NUP210L: variants seen among roughly 807,000 people sequenced by gnomAD.
The protein encoded by NUP210L is nuclear pore membrane glycoprotein 210-like.
NUP210L carries 74 observed loss-of-function variants against 208.5 expected under a neutral mutation model. The ratio of observed to expected loss-of-function variants is 0.35; its 90% CI spans 0.29 to 0.43. NUP210L has a LOEUF of 0.43. Among genes scored for constraint, NUP210L ranks in the 20% least tolerant of loss-of-function variants. NUP210L has a pLI of 1.00. For missense variants in NUP210L, 1,843 were observed against 2,289.4 expected, an observed-to-expected ratio of 0.81 and a Z score of 3.98; for synonymous variants, 780 against 816.9, an observed-to-expected ratio of 0.95 and a Z score of 0.77.
intron 2 of NUP210L, among the ~76,000 whole-genome samples, chr1:154,151,169 C>T (rs1197308062): frequency 6.6e-6 from 1 of 151,692 alleles, no homozygotes; most frequent in Non-Finnish European, 1.5e-5. Context: ...GCATATGTGA[C>T]CAAATCAATG....
chr1:154,134,347 A>C (rs1243550216), intron 7 of NUP210L, among the ~76,000 whole-genome samples: 1 of 151,766 alleles, frequency 6.6e-6, no homozygotes, highest in Non-Finnish European at 1.5e-5. Flanking sequence ...TGGAGTCCAA[A>C]TCATATTTCA....
intron 35 of NUP210L, among the ~76,000 whole-genome samples, chr1:154,009,562 G>T (rs1650778507): frequency 6.8e-6 from 1 of 147,946 alleles, no homozygotes; most frequent in South Asian, 2.1e-4. Flanking sequence ...TGAGGCAGGA[G>T]GATTGCTTGA....
At chr1:154,000,876 A>G in exon 37 of NUP210L, 4 of 1,614,072 alleles carry the variant, frequency 2.5e-6, no homozygotes, top group African/African-American at 1.3e-5. Flanking sequence ...CTTATCTTTC[A>G]TAGCCCTCAC....
chr1:154,052,842 A>G (rs934466387), intron 25 of NUP210L, among the ~76,000 whole-genome samples: 6 of 152,240 alleles, frequency 3.9e-5, no homozygotes, highest in Admixed American at 3.3e-4. Flanking sequence ...TTGGTCCCCA[A>G]AGGGGATGTT....
intron 12 of NUP210L, among the ~76,000 whole-genome samples, chr1:154,109,312 G>C (rs916911834): frequency 4.6e-5 from 7 of 151,526 alleles, no homozygotes; most frequent in Non-Finnish European, 1.0e-4. Context: ...ATTATGTAAT[G>C]ATAAAGGGGT....
intron 12 of NUP210L, among the ~76,000 whole-genome samples, chr1:154,105,743 T>C (rs879724602): frequency 6.6e-5 from 10 of 152,168 alleles, no homozygotes; most frequent in Admixed American, 6.6e-4. Context: ...GGGTCCCCAA[T>C]TTCAGGCCTT....
intron 33 of NUP210L, among the ~76,000 whole-genome samples, chr1:154,015,910 A>C (rs533344037): frequency 2.8e-5 from 2 of 70,270 alleles, no homozygotes; most frequent in Middle Eastern, 5.4e-3. Context: ...CTGTCTCAAT[A>C]AATAAATAAA....
intron 36 of NUP210L, 108 bp from the exon 37 acceptor site, chr1:154,001,168 T>TCTAG: frequency 2.3e-6 from 2 of 885,792 alleles, no homozygotes; most frequent in Non-Finnish European, 3.5e-6. Context: ...GATCTGGATT[T>TCTAG]CTAGCTAGCT....
intron 17 of NUP210L, among the ~76,000 whole-genome samples, chr1:154,068,412 T>G (rs183177989): frequency 1.3e-5 from 2 of 152,266 alleles, no homozygotes; most frequent in Non-Finnish European, 2.9e-5. Context: ...TGGGGTGCAG[T>G]GGCTCATGCC....
At chr1:154,041,072 C>T (rs1652847911) in intron 27 of NUP210L, among the ~76,000 whole-genome samples, 1 of 152,100 alleles carries the variant, frequency 6.6e-6, no homozygotes, top group African/African-American at 2.4e-5. Context: ...TCAAGTGATC[C>T]TCCTGCCTCA....
chr1:154,129,785 A>G (rs570348213), intron 7 of NUP210L, among the ~76,000 whole-genome samples: 1 of 152,312 alleles, frequency 6.6e-6, no homozygotes, highest in Non-Finnish European at 1.5e-5. Flanking sequence ...ACATGCCTAG[A>G]ACTCCACAGA....
intron 16 of NUP210L, among the ~76,000 whole-genome samples, chr1:154,076,923 A>G (rs1655066697): frequency 6.6e-6 from 1 of 152,210 alleles, no homozygotes; most frequent in South Asian, 2.1e-4. Context: ...ATCTACATCT[A>G]GACACATCAT....
At chr1:154,150,992 A>G (rs1263097935) in intron 2 of NUP210L, among the ~76,000 whole-genome samples, 1 of 152,136 alleles carries the variant, frequency 6.6e-6, no homozygotes, top group Non-Finnish European at 1.5e-5. Flanking sequence ...TTGTATTAAT[A>G]GTAAAATTGG....
At chr1:154,125,554 C>G (rs1358946523) in intron 10 of NUP210L, among the ~76,000 whole-genome samples, 1 of 147,360 alleles carries the variant, frequency 6.8e-6, no homozygotes. Flanking sequence ...CCTGGGAGGT[C>G]CAGGCTGCAG....
At chr1:154,037,615 C>CTTAT (rs1159987321) in intron 27 of NUP210L, among the ~76,000 whole-genome samples, 1 of 151,962 alleles carries the variant, frequency 6.6e-6, no homozygotes, top group Non-Finnish European at 1.5e-5. Context: ...ATTGTTGGAT[C>CTTAT]TTATTTATTT....
rs974630484 is a variant in NUP210L at position 154,019,217 on chromosome 1, A to C, written c.4517-148T>G. On this transcript the variant is annotated intron_variant, in intron 32 of 39. Transcript: ENST00000368559. Reference sequence around the variant, plus strand: ...CAGCTTTGAAGATAACTGTTTTCTCAGTGTCAGGTTCCTCTTCGTATATCA... The same window carrying C: ...CAGCTTTGAAGATAACTGTTTTCTCCGTGTCAGGTTCCTCTTCGTATATCA... The C allele has an allele frequency of 8.0e-5, 56 of 704,222 alleles. No individual in the cohort carries two copies. The East Asian group carries it at 1.5e-3, about 19-fold the overall frequency. 43.6% of individuals were successfully genotyped at this position (704,222 alleles called of 1,614,324 possible).
intron 2 of NUP210L, among the ~76,000 whole-genome samples, chr1:154,146,784 C>T (rs963142929): frequency 6.6e-6 from 1 of 152,104 alleles, no homozygotes; most frequent in African/African-American, 2.4e-5. Flanking sequence ...CTTTGGCACT[C>T]CTCCTTCCAA....
chr1:154,058,117 G>C, exon 22 of NUP210L: 1 of 1,614,104 alleles, frequency 6.2e-7, no homozygotes, highest in Non-Finnish European at 8.5e-7. Context: ...GAAGCCAACT[G>C]CAGTTTGAGT....
intron 8 of NUP210L, among the ~76,000 whole-genome samples, chr1:154,128,826 G>A (rs1658112117): frequency 6.6e-6 from 1 of 152,146 alleles, no homozygotes; most frequent in Admixed American, 6.6e-5. Context: ...CAGCCTGGGT[G>A]ACAGAGCAAG....
Sources: gnomAD v4.1 joint callset for allele counts (sites outside exome capture counted in the v4.1 genomes callset) on GRCh38, gnomAD v4.1.1 for gene constraint, MANE v1.5 for transcripts, NCBI Gene and HGNC (gene_info 2026-07-23, HGNC 2026-07-21) for gene names.